The following FCRL5 variants were observed in gnomAD, a reference collection of about 807,000 sequenced individuals.
FCRL5 encodes the protein Fc receptor like 5.
FCRL5 carries 79 observed loss-of-function variants against 92.1 expected under a neutral mutation model. The observed-to-expected ratio is 0.86, with a 90% CI of 0.72 to 1.03. The LOEUF (loss-of-function observed/expected upper bound fraction) is 1.03, where lower values mean the gene tolerates loss of function less well. Ranked by LOEUF, FCRL5 falls within the 50% of genes least tolerant of loss-of-function variation. The probability of loss-of-function intolerance (pLI) is 0.00; values close to 1 mark genes in which losing one functional copy is unlikely to be tolerated. For synonymous variants in FCRL5, 466 were observed against 469.3 expected, an observed-to-expected ratio of 0.99 and a Z score of 0.09; for missense variants, 1,160 against 1,181.1, an observed-to-expected ratio of 0.98 and a Z score of 0.26.
At position 157,544,310 on chromosome 1, in the gene FCRL5, G is replaced by T; in HGVS notation, c.796C>A (p.Pro266Thr). The T allele has an allele frequency of 6.2e-7, 1 of 1,614,166 alleles. No homozygotes were observed. Among genetic ancestry groups the T allele is most frequent in the Non-Finnish European group, 8.5e-7 (1 of 1,180,014 alleles). ...GGGCTGTCAGATATGACGCTGTAAG[G>T]CATTGTTGCTGCCTTACACCAGTAG... The part of the protein sequence containing the change: ...GFYWCKAATM[P>T]YSVISDSPRS... The change falls in exon 5 of 17, where the codon CCT becomes ACT. Residue 266 changes from proline to threonine, a missense_variant. Transcript: ENST00000361835.
intron 5 of FCRL5, among the ~76,000 whole-genome samples, chr1:157,544,040 T>C (rs1651398696): frequency 6.6e-6 from 1 of 152,206 alleles, no homozygotes; most frequent in South Asian, 2.1e-4. Flanking sequence ...TTGTATTTAA[T>C]GGCATTGAAA....
chr1:157,546,263 C>A (rs1184312679), intron 3 of FCRL5: 2 of 454,182 alleles, frequency 4.4e-6, no homozygotes, highest in Non-Finnish European at 8.8e-6. Context: ...GCCTGGGCAG[C>A]ATGAGGAAAT....
At chr1:157,520,614 G>T in intron 11 of FCRL5, 67 bp from the exon 12 acceptor site, 1 of 1,263,778 alleles carries the variant, frequency 7.9e-7, no homozygotes, top group Non-Finnish European at 1.1e-6. Context: ...GCTCCCGGAA[G>T]CTGCTGCCTG....
rs200577484 is a variant in FCRL5 at position 157,545,078 on chromosome 1, C to T, written c.312G>A (p.Ser104=). 6.8e-6 allele frequency: 11 copies of T among 1,612,048 alleles called. No homozygotes were observed. The highest frequency in any genetic ancestry group is 1.3e-5 in the African/African-American group (1 of 74,926). ...SPVHLDFSSA[S]LILQAPLSVF... ...CAGAAAGTGGAGCTTGCAGGATCAG[C>T]GAAGCTATGAGAAACACAATAGAGT... The change falls in exon 4 of 17, where the codon TCG becomes TCA. Residue 104 remains serine (S), a synonymous_variant. Transcript: ENST00000361835.
At chr1:157,543,832 A>G (rs1651388391) in intron 5 of FCRL5, among the ~76,000 whole-genome samples, 1 of 152,206 alleles carries the variant, frequency 6.6e-6, no homozygotes, top group Non-Finnish European at 1.5e-5. Context: ...TGGAGTAACT[A>G]TAATGTTGCA....
intron 15 of FCRL5, 151 bp from the exon 16 acceptor site, chr1:157,516,024 C>T (rs1024509631): frequency 3.7e-6 from 3 of 804,226 alleles, no homozygotes; most frequent in Admixed American, 4.1e-5. Flanking sequence ...CTCACCCAGT[C>T]CCTCTCCATT....
At chr1:157,528,590 C>G (rs74775776) in intron 8 of FCRL5, 15 of 152,188 alleles carry the variant, frequency 9.9e-5, no homozygotes, top group African/African-American at 3.6e-4. Flanking sequence ...GTTACCAGAA[C>G]AGCATGGTAC....
chr1:157,546,944 T>C lies in FCRL5; in HGVS notation c.306A>G (p.Ser102=), dbSNP rs1251733930. The part of the protein sequence containing the change: ...LSSPVHLDFS[S]ASLILQAPLS... Reference sequence around the variant, plus strand: ...GGTGCGTCTTTCACGCTCTCTCACCTGAAGAAAAATCCAAGTGCACAGGGC... The same window carrying C: ...GGTGCGTCTTTCACGCTCTCTCACCCGAAGAAAAATCCAAGTGCACAGGGC... The change falls in exon 3 of 17, where the codon TCA becomes TCG. Residue 102 remains serine, a splice_region_variant and synonymous_variant. Transcript: ENST00000361835. 1 of 1,611,406 alleles carries C rather than the reference T, an allele frequency of 6.2e-7. No homozygotes were observed. Among genetic ancestry groups the C allele is most frequent in the Non-Finnish European group, 8.5e-7 (1 of 1,178,452 alleles).
At chr1:157,547,335 A>T in intron 2 of FCRL5, 138 bp from the exon 3 acceptor site, 1 of 1,169,378 alleles carries the variant, frequency 8.6e-7, no homozygotes, top group Non-Finnish European at 1.3e-6. Context: ...GATAGCTCAA[A>T]GCTCCCTGTC....
intron 15 of FCRL5, among the ~76,000 whole-genome samples, chr1:157,517,898 A>G (rs1650000562): frequency 6.6e-6 from 1 of 152,146 alleles, no homozygotes; most frequent in African/African-American, 2.4e-5. Flanking sequence ...CATGATGATT[A>G]TCATGATGAG....
chr1:157,520,559 A>G lies in FCRL5; in HGVS notation c.2516-12T>C. The G allele has an allele frequency of 1.9e-6, 3 of 1,576,792 alleles. No individual in the cohort carries two copies. The highest frequency in any genetic ancestry group is 2.6e-6 in the Non-Finnish European group (3 of 1,160,030). ...GTTCGCGGTCAGCCCTGAGGGGGAGACCCTGTGTGTGAGCCAGAGGAGAGG... is the reference window on the plus strand; with the variant it reads ...GTTCGCGGTCAGCCCTGAGGGGGAGGCCCTGTGTGTGAGCCAGAGGAGAGG... On this transcript the variant is annotated splice_polypyrimidine_tract_variant and intron_variant, in intron 11 of 16. Coordinates refer to ENST00000361835, the MANE Select transcript of FCRL5 (RefSeq NM_031281.3).
intron 9 of FCRL5, among the ~76,000 whole-genome samples, chr1:157,526,930 C>A (rs1462233582): frequency 6.6e-6 from 1 of 151,912 alleles, no homozygotes; most frequent in African/African-American, 2.4e-5. Flanking sequence ...AGAGGACAGG[C>A]CATGGTGTTA....
intron 9 of FCRL5, among the ~76,000 whole-genome samples, chr1:157,526,654 A>C (rs1650441389): frequency 6.6e-6 from 1 of 152,156 alleles, no homozygotes; most frequent in Admixed American, 6.5e-5. Context: ...TCTATATTTT[A>C]GGAAAAGGAC....
chr1:157,521,152 C>T lies in FCRL5; in HGVS notation c.2380G>A (p.Gly794Arg), dbSNP rs753909551. ...YRFFHEDVTL[G>R]NRSSPSGGAS... ...CCTCCAGAGGGGGACGACCTATTTC[C>T]TAGGGTGACATCCTCATGAAAAAAC... is the stretch of plus-strand genomic sequence containing the variant. Residue 794 changes from glycine (G) to arginine (R), a missense_variant, in exon 11 of 17, where the codon GGA (glycine) becomes AGA (arginine). Gly to Arg is a moderately radical substitution (Grantham distance 125). Transcript: ENST00000361835. The T allele has an allele frequency of 9.3e-6, 15 of 1,614,124 alleles. 1 individual carries two copies. In the South Asian group the frequency reaches 1.6e-4, roughly 18 times the overall value.
intron 8 of FCRL5, among the ~76,000 whole-genome samples, chr1:157,530,986 A>T (rs560691203): frequency 3.3e-5 from 5 of 152,262 alleles, no homozygotes; most frequent in African/African-American, 1.2e-4. Context: ...ATGGGATTAC[A>T]TCAAGCTGAA....
At chr1:157,524,909 T>C (rs1650362332) in intron 9 of FCRL5, among the ~76,000 whole-genome samples, 1 of 152,178 alleles carries the variant, frequency 6.6e-6, no homozygotes, top group Admixed American at 6.5e-5. Flanking sequence ...AGGGATGTAA[T>C]TGCATCTGGG....
chr1:157,518,910 A>G (rs1028129843), intron 13 of FCRL5, 128 bp from the exon 14 acceptor site: 5 of 631,242 alleles, frequency 7.9e-6, no homozygotes, highest in Admixed American at 3.2e-5. Flanking sequence ...AGTACATAAC[A>G]AACTGACCAT....
In FCRL5 at chr1:157,539,087, A is replaced by G; in HGVS notation, c.1401T>C (p.Thr467=). 6.2e-7 allele frequency: 1 copy of G among 1,612,470 alleles called. No homozygotes were observed. The highest frequency in any genetic ancestry group is 2.2e-5 in the East Asian group (1 of 44,876). ...GATTGGCAGGAACCCAGGGCTTACC[A>G]GTGACGGAGAGGCTCACCGCCTTAC... ...QRSKAVSLSV[T]VPVSHPVLTL... The change falls in exon 7 of 17, where the codon ACT becomes ACC. Residue 467 remains threonine (T), a splice_region_variant and synonymous_variant. Coordinates refer to ENST00000361835, the MANE Select transcript of FCRL5 (RefSeq NM_031281.3).
rs143327500 is a variant in FCRL5, at chr1:157,515,937, G to A, written c.2813-64C>T. 6.2e-5 allele frequency: 98 copies of A among 1,586,258 alleles called. No homozygotes were observed. The Middle Eastern group carries it at 6.7e-4, about 11-fold the overall frequency. On this transcript the variant is annotated intron_variant, in intron 15 of 16. Coordinates refer to ENST00000361835, the MANE Select transcript of FCRL5 (RefSeq NM_031281.3). ...CATGGGGCTCTTCCCTTGTGCCTGCGCTGTGGGGCCAGCCCTGAGCCTCCT... is the reference window on the plus strand; with the variant it reads ...CATGGGGCTCTTCCCTTGTGCCTGCACTGTGGGGCCAGCCCTGAGCCTCCT...
Sources: allele counts gnomAD v4.1 joint callset (sites outside exome capture counted in the v4.1 genomes callset), GRCh38; gene constraint gnomAD v4.1.1; transcripts MANE v1.5; gene names NCBI Gene and HGNC (gene_info 2026-07-23, HGNC 2026-07-21).